Variants in NCAPD2 observed in about 807,000 individuals in gnomAD.
NCAPD2 encodes the protein non-SMC condensin I complex subunit D2, also known as condensin complex subunit 1.
NCAPD2 carries 100 observed loss-of-function variants against 164.5 expected under a neutral mutation model. That is an observed-to-expected ratio of 0.61 (90% CI 0.52 to 0.72). The LOEUF (loss-of-function observed/expected upper bound fraction) is 0.72, where lower values mean the gene tolerates loss of function less well. NCAPD2 is among the 30% of genes least tolerant of loss of function. The probability of loss-of-function intolerance (pLI) is 0.00; values close to 1 mark genes in which losing one functional copy is unlikely to be tolerated. For synonymous variants in NCAPD2, 585 were observed against 642.6 expected, an observed-to-expected ratio of 0.91 and a Z score of 1.36; for missense variants, 1,560 against 1,749.2, an observed-to-expected ratio of 0.89 and a Z score of 1.93.
intron 17 of NCAPD2, among the ~76,000 whole-genome samples, chr12:6,524,301 G>A (rs969848937): frequency 3.3e-5 from 5 of 152,068 alleles, no homozygotes; most frequent in Non-Finnish European, 7.3e-5. Context: ...CCAAGAAAGA[G>A]CACAGTTCAC....
chr12:6,494,892 C>G (rs1166842404), intron 1 of NCAPD2, among the ~76,000 whole-genome samples, 184 bp from the exon 2 acceptor site: 1 of 152,064 alleles, frequency 6.6e-6, no homozygotes, highest in African/African-American at 2.4e-5. Context: ...ATGTTACTAG[C>G]TTGCTATAAA....
intron 6 of NCAPD2, 98 bp from the exon 7 acceptor site, chr12:6,514,167 G>T (rs890841010): frequency 4.8e-5 from 73 of 1,511,394 alleles, no homozygotes; most frequent in Non-Finnish European, 6.4e-5. Context: ...AGAAAACCCT[G>T]ACTTTGGGAG....
chr12:6,518,504 G>GTTTTTTTTTTTGTTTGTTT (rs1946226887), intron 13 of NCAPD2, among the ~76,000 whole-genome samples: 1 of 44,774 alleles, frequency 2.2e-5, no homozygotes, highest in African/African-American at 1.0e-4. Flanking sequence ...CCGTCAACAA[G>GTTTTTTTTTTTGTTTGTTT]TTTTTTTTTT....
chr12:6,524,671 A>AAG (rs1946299515), intron 17 of NCAPD2, among the ~76,000 whole-genome samples: 1 of 150,784 alleles, frequency 6.6e-6, no homozygotes, highest in East Asian at 1.9e-4. Flanking sequence ...AAAAAAAAAA[A>AAG]TCTGGAAAAG....
chr12:6,518,521 T>TTTTTTTTTTTTTTTG (rs1161841678), intron 13 of NCAPD2, among the ~76,000 whole-genome samples: 3 of 118,342 alleles, frequency 2.5e-5, no homozygotes, highest in African/African-American at 1.0e-4. Flanking sequence ...TTTTTTTTTT[T>TTTTTTTTTTTTTTTG]TTTTTTTTTT....
chr12:6,514,442 C>T (rs773707200), intron 7 of NCAPD2, 22 bp from the exon 8 acceptor site: 3 of 1,614,154 alleles, frequency 1.9e-6, no homozygotes, highest in African/African-American at 1.3e-5. Flanking sequence ...CCCATAATTT[C>T]TCATGTTTAA....
chr12:6,504,208 T>TATATACAC (rs1946074122), intron 2 of NCAPD2, among the ~76,000 whole-genome samples: 2 of 22,574 alleles, frequency 8.9e-5, no homozygotes, highest in South Asian at 1.9e-3. Context: ...TATATATATA[T>TATATACAC]ATATATATAG....
At chr12:6,518,504 G>GTTTTTTTTTTTTTTTGTTTTTTTTTT (rs1946227130) in intron 13 of NCAPD2, among the ~76,000 whole-genome samples, 11 of 44,774 alleles carry the variant, frequency 2.5e-4, no homozygotes, top group African/African-American at 1.0e-3. Flanking sequence ...CCGTCAACAA[G>GTTTTTTTTTTTTTTTGTTTTTTTTTT]TTTTTTTTTT....
intron 13 of NCAPD2, among the ~76,000 whole-genome samples, chr12:6,520,272 C>T (rs2137054710): frequency 6.6e-6 from 1 of 151,962 alleles, no homozygotes; most frequent in African/African-American, 2.4e-5. Context: ...GAGAGTGTCT[C>T]ACTCTTTTGC....
rs144892258 is a variant in NCAPD2 at position 6,524,369 on chromosome 12, G to A, written c.2214+1023G>A. 1.8e-4 allele frequency among the ~76,000 whole-genome samples: 27 copies of A among 152,194 alleles called. No homozygotes were observed. In the East Asian group the frequency reaches 4.6e-3, roughly 26 times the overall value. ...AAATTATCTGGAAAAGACCAGGCGCGATGGCTCACGTCTGTAATCCCAGCA... is the reference window on the plus strand; with the variant it reads ...AAATTATCTGGAAAAGACCAGGCGCAATGGCTCACGTCTGTAATCCCAGCA... On this transcript the variant is annotated intron_variant, in intron 17 of 31. Coordinates refer to ENST00000315579, the MANE Select transcript of NCAPD2 (RefSeq NM_014865.4).
At position 6,512,110 on chromosome 12, in the gene NCAPD2, A is replaced by G. The variant is rs1015681915; in HGVS notation, c.587+858A>G. ...CGGTGAAACCCCGTCTCTACTAAAA[A>G]TACAAAAAAAAATTAGCCGGGCATG... is the stretch of plus-strand genomic sequence containing the variant. On this transcript the variant is annotated intron_variant, in intron 6 of 31. Coordinates refer to ENST00000315579, the MANE Select transcript of NCAPD2 (RefSeq NM_014865.4). 2.6e-5 allele frequency among the ~76,000 whole-genome samples: 4 copies of G among 151,904 alleles called. No homozygotes were observed. In the East Asian group the frequency reaches 5.8e-4, roughly 22 times the overall value.
chr12:6,516,207 C>A (rs1565543290), intron 9 of NCAPD2, among the ~76,000 whole-genome samples: 2 of 144,680 alleles, frequency 1.4e-5, no homozygotes, highest in African/African-American at 5.1e-5. Context: ...AAAAAAAAAC[C>A]AAAAAAAACC....
At position 6,527,889 on chromosome 12, in the gene NCAPD2, G is replaced by A; in HGVS notation, c.3019+1G>A. On this transcript the variant is annotated splice_donor_variant, in intron 23 of 31. Transcript: ENST00000315579. LOFTEE classifies it high-confidence loss of function. The stretch of plus-strand genomic sequence containing the variant: ...ATCTGCGAGATGGAACTGTTGGATG[G>A]TAAGAAAAATGGCTGCACTCAGCAG... The A allele has an allele frequency of 6.2e-7, 1 of 1,613,670 alleles. No individual in the cohort carries two copies.
chr12:6,515,184 C>T (rs1946186907), intron 9 of NCAPD2, among the ~76,000 whole-genome samples: 1 of 151,970 alleles, frequency 6.6e-6, no homozygotes, highest in Non-Finnish European at 1.5e-5. Context: ...GTAAGAGCAA[C>T]TCAGCTTTGA....
At position 6,504,424 on chromosome 12, in the gene NCAPD2, G is replaced by A. The variant is rs377196273; in HGVS notation, c.128-5293G>A. 1.7e-3 allele frequency among the ~76,000 whole-genome samples: 263 copies of A among 151,822 alleles called. 7 individuals carry two copies. The South Asian group carries it at 0.039, about 23-fold the overall frequency. ...TTTGTTTTGTTTTTGACAGAGTCTT[G>A]CTCTGTGGCCCAGGATGGAGTGTGG... On this transcript the variant is annotated intron_variant, in intron 2 of 31. Transcript: ENST00000315579.
intron 8 of NCAPD2, 74 bp downstream of exon 8, chr12:6,514,661 T>C: frequency 6.2e-7 from 1 of 1,611,158 alleles, no homozygotes; most frequent in Admixed American, 1.7e-5. Flanking sequence ...GGAAATACAT[T>C]ATCTGTGCAA....
rs1262119428 is a variant in NCAPD2, at chr12:6,529,924, G to A, written c.3803G>A (p.Gly1268Asp). 4 of 1,613,984 alleles carry A rather than the reference G, an allele frequency of 2.5e-6. No homozygotes were observed. The highest frequency in any genetic ancestry group is 3.4e-6 in the Non-Finnish European group (4 of 1,179,968). Reference protein sequence around the residue: ...SIFSAFLSVVGKLRRGAKPEG... With the variant: ...SIFSAFLSVVDKLRRGAKPEG... ...TTCAGTGCTTTTTTGTCAGTTGTAGGCAAGCTGCGACGTGGGGCCAAGCCT... is the reference window on the plus strand; with the variant it reads ...TTCAGTGCTTTTTTGTCAGTTGTAGACAAGCTGCGACGTGGGGCCAAGCCT... Residue 1268 changes from glycine to aspartate, a missense_variant, in exon 29 of 32, where the codon GGC becomes GAC. By Grantham distance (94) the Gly-to-Asp change is moderately conservative. Transcript: ENST00000315579.
At chr12:6,497,652 T>C (rs1265197725) in intron 2 of NCAPD2, among the ~76,000 whole-genome samples, 1 of 144,564 alleles carries the variant, frequency 6.9e-6, no homozygotes, top group Non-Finnish European at 1.5e-5. Context: ...CTGAGTCTCC[T>C]TCTGTCACCC....
At chr12:6,504,186 T>TAC (rs1946069099) in intron 2 of NCAPD2, among the ~76,000 whole-genome samples, 1 of 26,882 alleles carries the variant, frequency 3.7e-5, no homozygotes, top group Non-Finnish European at 6.1e-5. Flanking sequence ...TATATACATA[T>TAC]ATATATATAT....
Sources: gnomAD v4.1 joint callset for allele counts (sites outside exome capture counted in the v4.1 genomes callset) on GRCh38, gnomAD v4.1.1 for gene constraint, MANE v1.5 for transcripts, NCBI Gene and HGNC (gene_info 2026-07-23, HGNC 2026-07-21) for gene names.